Variants in HSD17B12 observed in about 807,000 individuals in gnomAD.
HSD17B12 encodes the protein very-long-chain 3-oxoacyl-CoA reductase.
Under a neutral mutation model 39.3 loss-of-function variants are expected in HSD17B12, and 32 were observed. The ratio of observed to expected loss-of-function variants is 0.81; its 90% CI spans 0.61 to 1.09. The LOEUF (loss-of-function observed/expected upper bound fraction) is 1.09, where lower values mean the gene tolerates loss of function less well. Among genes scored for constraint, HSD17B12 ranks in the 50% least tolerant of loss-of-function variants. HSD17B12 has a pLI of 0.00. For synonymous variants in HSD17B12, 150 were observed against 146.7 expected (o/e 1.02, Z -0.16); for missense variants, 342 against 382.9 (o/e 0.89, Z 0.89).
chr11:43,686,098 G>A (rs917673096), intron 1 of HSD17B12, among the ~76,000 whole-genome samples: 1 of 152,156 alleles, frequency 6.6e-6, no homozygotes, highest in African/African-American at 2.4e-5. Context: ...TTATCGCTCT[G>A]GCATTCTTGA....
the HSD17B12 span, among the ~76,000 whole-genome samples, chr11:43,655,753 G>A: frequency 6.6e-6 from 1 of 152,160 alleles, no homozygotes; most frequent in Non-Finnish European, 1.5e-5. Context: ...CAGGGATGAA[G>A]CCCACTTGAT....
intron 3 of HSD17B12, among the ~76,000 whole-genome samples, chr11:43,777,298 G>T (rs1294139129): frequency 6.6e-6 from 1 of 152,108 alleles, no homozygotes; most frequent in Non-Finnish European, 1.5e-5. Context: ...GTGGTTTGTA[G>T]TTCTCCTTGA....
At chr11:43,590,341 C>T in the HSD17B12 span, among the ~76,000 whole-genome samples, 1 of 148,868 alleles carries the variant, frequency 6.7e-6, no homozygotes, top group African/African-American at 2.5e-5. Context: ...AATGACATTG[C>T]ACCTTAAAAT....
At chr11:43,757,712 C>T (rs940794445) in intron 3 of HSD17B12, among the ~76,000 whole-genome samples, 95 of 123,968 alleles carry the variant, frequency 7.7e-4, no homozygotes, top group African/African-American at 3.0e-3. Context: ...AAAAAAAGCA[C>T]ACACAAAAAA....
intron 1 of HSD17B12, among the ~76,000 whole-genome samples, chr11:43,687,003 A>T (rs1287619195): frequency 1.1e-5 from 1 of 88,454 alleles, no homozygotes; most frequent in Non-Finnish European, 2.6e-5. Flanking sequence ...AGGATAATTT[A>T]TTTCTTTCAG....
At chr11:43,830,397 A>T (rs1328128866) in intron 6 of HSD17B12, 1 of 152,216 alleles carries the variant, frequency 6.6e-6, no homozygotes, top group East Asian at 1.9e-4. Context: ...AAAAATGCAG[A>T]TGTCACCTTT....
chr11:43,716,593 A>C (rs1950125389), intron 1 of HSD17B12, among the ~76,000 whole-genome samples: 2 of 151,942 alleles, frequency 1.3e-5, no homozygotes, highest in African/African-American at 4.8e-5. Flanking sequence ...CTTGCTATTC[A>C]TGTAGATTTC....
chr11:43,814,836 C>T (rs1951106130), intron 4 of HSD17B12, among the ~76,000 whole-genome samples: 1 of 152,098 alleles, frequency 6.6e-6, no homozygotes, highest in African/African-American at 2.4e-5. Context: ...CTTTCTTTTC[C>T]TACTAGATTG....
intron 1 of HSD17B12, chr11:43,734,290 A>G (rs1950296330): frequency 3.2e-6 from 4 of 1,233,822 alleles, no homozygotes; most frequent in South Asian, 1.2e-5. Flanking sequence ...AGGAGTTCAC[A>G]GAAGCCGTGG....
intron 3 of HSD17B12, among the ~76,000 whole-genome samples, chr11:43,777,901 C>T (rs1334622639): frequency 1.3e-5 from 2 of 151,988 alleles, no homozygotes; most frequent in Non-Finnish European, 2.9e-5. Flanking sequence ...AAAATTGACA[C>T]CCTGACATCA....
chr11:43,797,683 AT>A (rs1380308682), intron 3 of HSD17B12, among the ~76,000 whole-genome samples: 5 of 152,190 alleles, frequency 3.3e-5, no homozygotes, highest in South Asian at 2.1e-4. Flanking sequence ...TGAAGCTATT[AT>A]TTTCATCAGC....
chr11:43,713,196 T>C (rs887700089), intron 1 of HSD17B12, among the ~76,000 whole-genome samples: 3 of 152,212 alleles, frequency 2.0e-5, no homozygotes, highest in African/African-American at 7.2e-5. Flanking sequence ...TTGTTGCATA[T>C]GTATACATGT....
At chr11:43,799,767 A>G (rs1950948567) in intron 4 of HSD17B12, among the ~76,000 whole-genome samples, 1 of 152,166 alleles carries the variant, frequency 6.6e-6, no homozygotes, top group Admixed American at 6.5e-5. Flanking sequence ...CATCCTATAA[A>G]AGAATGGTCT....
the HSD17B12 span, among the ~76,000 whole-genome samples, chr11:43,601,135 A>G: frequency 1.3e-5 from 2 of 149,860 alleles, no homozygotes; most frequent in African/African-American, 2.5e-5. Context: ...TCTGGCATCC[A>G]TTTGTTTCCT....
At chr11:43,667,436 C>T in the HSD17B12 span, among the ~76,000 whole-genome samples, 3 of 152,074 alleles carry the variant, frequency 2.0e-5, no homozygotes, top group Admixed American at 6.6e-5. Context: ...AACCACACCG[C>T]ACCTAGCCTG....
At chr11:43,791,516 A>C (rs982477594) in intron 3 of HSD17B12, among the ~76,000 whole-genome samples, 2 of 151,704 alleles carry the variant, frequency 1.3e-5, no homozygotes, top group Non-Finnish European at 2.9e-5. Context: ...TGGGTGACAG[A>C]GTGAGACTCT....
intron 3 of HSD17B12, among the ~76,000 whole-genome samples, chr11:43,792,279 T>G (rs1950874573): frequency 6.6e-6 from 1 of 152,216 alleles, no homozygotes; most frequent in Non-Finnish European, 1.5e-5. Context: ...AGACTTGTCT[T>G]GCATCTTTTA....
intron 3 of HSD17B12, among the ~76,000 whole-genome samples, chr11:43,771,325 A>T (rs1950646771): frequency 6.6e-6 from 1 of 152,044 alleles, no homozygotes; most frequent in Admixed American, 6.6e-5. Flanking sequence ...TTGTTGATGG[A>T]CTTTTGGGTT....
At chr11:43,823,012 A>C (rs1419284323) in intron 6 of HSD17B12, among the ~76,000 whole-genome samples, 1 of 152,128 alleles carries the variant, frequency 6.6e-6, no homozygotes, top group Non-Finnish European at 1.5e-5. Context: ...TTTTTAAGTC[A>C]ATTTGAAATT....
Sources: gnomAD v4.1 joint callset for allele counts (sites outside exome capture counted in the v4.1 genomes callset) on GRCh38, gnomAD v4.1.1 for gene constraint, MANE v1.5 for transcripts, NCBI Gene and HGNC (gene_info 2026-07-23, HGNC 2026-07-21) for gene names.